The following LRRC7 variants were observed in gnomAD, a reference collection of about 807,000 sequenced individuals.
LRRC7 encodes leucine rich repeat containing 7.
A neutral mutation model predicts 175.7 loss-of-function variants in LRRC7; 23 were observed. That is an observed-to-expected ratio of 0.13 (90% CI 0.09 to 0.19). LRRC7 has a LOEUF of 0.19. LRRC7 is among the 10% of genes least tolerant of loss of function. The pLI is 1.00. For missense variants in LRRC7, 1,354 were observed against 1,904.7 expected, an observed-to-expected ratio of 0.71 and a Z score of 5.38; for synonymous variants, 685 against 680.9, an observed-to-expected ratio of 1.01 and a Z score of -0.09.
Position 69,718,101 on chromosome 1 carries a change from A to G in LRRC7, c.100+39623A>G, listed in dbSNP as rs1339221850. ...AAGAGAGAGAAAAAGAAAGAGAAGA[A>G]AGAGAGAAAAAGAAAGAAAGAAAGA... On this transcript the variant is annotated intron_variant, in intron 2 of 26. Coordinates refer to ENST00000651989, the MANE Select transcript of LRRC7 (RefSeq NM_001370785.2). Among the ~76,000 whole-genome samples, 78 of 103,776 alleles carry G rather than the reference A, an allele frequency of 7.5e-4. 1 individual carries two copies. The highest frequency in any genetic ancestry group is 2.8e-3 in the African/African-American group (70 of 24,806). 68.1% of individuals were successfully genotyped at this position (103,776 alleles called of 152,430 possible).
intron 7 of LRRC7, among the ~76,000 whole-genome samples, chr1:69,909,086 T>C (rs1335946530): frequency 2.6e-5 from 4 of 151,900 alleles, no homozygotes; most frequent in Non-Finnish European, 5.9e-5. Context: ...GAGACTAGGA[T>C]TGCAACCCCT....
chr1:69,717,786 GAAAGAAAGAAAGA>G (rs1557640497), intron 2 of LRRC7, among the ~76,000 whole-genome samples: 25 of 19,314 alleles, frequency 1.3e-3, no homozygotes, highest in African/African-American at 4.6e-3. Flanking sequence ...AAGAAAGAAA[GAAAGAAAGAAAGA>G]AAGAAAGAAA....
chr1:70,112,583 C>T (rs1321554542), intron 26 of LRRC7, among the ~76,000 whole-genome samples: 1 of 152,048 alleles, frequency 6.6e-6, no homozygotes, highest in Non-Finnish European at 1.5e-5. Flanking sequence ...AAGTGTGTAT[C>T]CTGGGATGCA....
chr1:70,096,818 G>A (rs540601666), intron 25 of LRRC7, among the ~76,000 whole-genome samples: 1 of 152,302 alleles, frequency 6.6e-6, no homozygotes, highest in South Asian at 2.1e-4. Flanking sequence ...GTTCCCTGAA[G>A]GTGTTCATTT....
chr1:69,597,036 C>T (rs1646871450), intron 1 of LRRC7, among the ~76,000 whole-genome samples: 1 of 152,150 alleles, frequency 6.6e-6, no homozygotes, highest in South Asian at 2.1e-4. Context: ...ACTGAAAAAT[C>T]AAAGCCAATA....
At chr1:69,757,002 GTTA>G (rs1389824220) in intron 2 of LRRC7, among the ~76,000 whole-genome samples, 2 of 151,968 alleles carry the variant, frequency 1.3e-5, no homozygotes, top group Admixed American at 6.6e-5. Flanking sequence ...AAAGTTGAAA[GTTA>G]TTATGTGTGG....
intron 20 of LRRC7, 36 bp downstream of exon 20, chr1:70,036,660 T>C: frequency 6.4e-7 from 1 of 1,557,392 alleles, no homozygotes; most frequent in Non-Finnish European, 8.7e-7. Context: ...TTCCCAAACG[T>C]TTATTTTCAG....
intron 4 of LRRC7, among the ~76,000 whole-genome samples, chr1:69,813,368 A>G (rs1470329897): frequency 1.3e-5 from 2 of 152,066 alleles, no homozygotes; most frequent in Non-Finnish European, 2.9e-5. Context: ...CATGGTTGCA[A>G]ATCTGAAGTG....
rs112484168 is a variant in LRRC7, at chr1:69,846,474, A to T, written c.647+8191A>T. On this transcript the variant is annotated intron_variant, in intron 7 of 26. Transcript: ENST00000651989. ...ATAAAAACTGCCTGCAGTAACAGTGAGGCTGAAAGCACTCAGCTTCAGTTT... is the reference window on the plus strand; with the variant it reads ...ATAAAAACTGCCTGCAGTAACAGTGTGGCTGAAAGCACTCAGCTTCAGTTT... 9.8e-3 allele frequency among the ~76,000 whole-genome samples: 1,491 copies of T among 152,160 alleles called. 23 individuals carry two copies. The highest frequency in any genetic ancestry group is 0.034 in the African/African-American group (1,412 of 41,522).
intron 8 of LRRC7, among the ~76,000 whole-genome samples, chr1:69,951,737 A>T (rs1158039920): frequency 1.3e-5 from 2 of 152,078 alleles, no homozygotes; most frequent in Non-Finnish European, 2.9e-5. Flanking sequence ...GAGCTAAATA[A>T]TGAGAACTTA....
At chr1:69,893,276 T>C (rs989194028) in intron 7 of LRRC7, among the ~76,000 whole-genome samples, 4 of 152,188 alleles carry the variant, frequency 2.6e-5, no homozygotes, top group Admixed American at 1.3e-4. Context: ...GTGGTTTCTT[T>C]TGCATTTCCT....
intron 2 of LRRC7, among the ~76,000 whole-genome samples, chr1:69,749,669 C>T (rs946998101): frequency 5.3e-5 from 8 of 151,864 alleles, no homozygotes; most frequent in Non-Finnish European, 1.2e-4. Flanking sequence ...TAAGTTTTAC[C>T]ATAGATTGGT....
At chr1:69,726,366 G>A (rs193224676) in intron 2 of LRRC7, among the ~76,000 whole-genome samples, 172 of 152,262 alleles carry the variant, frequency 1.1e-3, no homozygotes, top group Middle Eastern at 6.8e-3. Context: ...TAGAGTTATA[G>A]GCTTATTAGA....
intron 19 of LRRC7, 84 bp from the exon 20 acceptor site, chr1:70,036,360 G>A (rs567927372): frequency 3.2e-5 from 46 of 1,431,722 alleles, no homozygotes; most frequent in African/African-American, 7.1e-5. Context: ...AACCTTAATC[G>A]GTATGGTTTC....
intron 1 of LRRC7, among the ~76,000 whole-genome samples, chr1:69,581,977 A>G (rs1039441011): frequency 2.6e-5 from 4 of 152,148 alleles, no homozygotes; most frequent in African/African-American, 9.7e-5. Flanking sequence ...CACTGTTGCT[A>G]CCAAGGGATC....
intron 8 of LRRC7, among the ~76,000 whole-genome samples, chr1:69,943,385 T>C (rs1365467826): frequency 2.6e-5 from 4 of 152,232 alleles, no homozygotes; most frequent in Middle Eastern, 3.4e-3. Context: ...ATTTTACTTA[T>C]ATGAAATGTC....
At chr1:69,940,032 C>T (rs979201009) in intron 8 of LRRC7, among the ~76,000 whole-genome samples, 3 of 152,064 alleles carry the variant, frequency 2.0e-5, no homozygotes, top group African/African-American at 7.2e-5. Flanking sequence ...TACATACGCA[C>T]AGGCAAATAT....
At position 70,131,682 on chromosome 1, in the gene LRRC7, T is replaced by G. The variant is rs17131222; in HGVS notation, c.*9795T>G. 2.3e-3 allele frequency among the ~76,000 whole-genome samples: 355 copies of G among 152,322 alleles called. No homozygotes were observed. Among genetic ancestry groups the G allele is most frequent in the African/African-American group, 8.0e-3 (332 of 41,566 alleles). The stretch of plus-strand genomic sequence containing the variant: ...GATTTAGATAAAGTCATAGTATATC[T>G]TGAAGGAAACAGCCACCATTGCTGT... On this transcript the variant is annotated 3_prime_UTR_variant, in exon 27 of 27. Coordinates refer to ENST00000651989, the MANE Select transcript of LRRC7 (RefSeq NM_001370785.2).
At chr1:69,935,759 G>A (rs1436599311) in intron 8 of LRRC7, among the ~76,000 whole-genome samples, 2 of 151,952 alleles carry the variant, frequency 1.3e-5, no homozygotes, top group African/African-American at 4.8e-5. Flanking sequence ...TTTCTTTTCA[G>A]TCTCTGGAGA....
Sources: gnomAD v4.1 joint callset for allele counts (sites outside exome capture counted in the v4.1 genomes callset) on GRCh38, gnomAD v4.1.1 for gene constraint, MANE v1.5 for transcripts, NCBI Gene and HGNC (gene_info 2026-07-23, HGNC 2026-07-21) for gene names.